Variants in SDK1 observed in about 807,000 individuals in gnomAD.
The protein encoded by SDK1 is sidekick cell adhesion molecule 1.
SDK1 carries 157 observed loss-of-function variants against 245.5 expected under a neutral mutation model. The observed-to-expected ratio is 0.64, with a 90% CI of 0.56 to 0.73. SDK1 has a LOEUF of 0.73. Among genes scored for constraint, SDK1 ranks in the 30% least tolerant of loss-of-function variants. The pLI, the probability that SDK1 is intolerant of heterozygous loss-of-function variation, is 0.00. For missense variants in SDK1, 3,583 were observed against 3,002.3 expected (o/e 1.19, Z -4.52); for synonymous variants, 1,647 against 1,278.5 (o/e 1.29, Z -6.15).
chr7:4,012,835 A>G (rs973192120), intron 16 of SDK1, among the ~76,000 whole-genome samples: 16 of 151,650 alleles, frequency 1.1e-4, no homozygotes, highest in African/African-American at 2.9e-4. Flanking sequence ...CAGCCTCCCA[A>G]TCCTCAGCTG....
chr7:4,037,018 A>C (rs1261468403), intron 17 of SDK1, among the ~76,000 whole-genome samples: 1 of 152,218 alleles, frequency 6.6e-6, no homozygotes, highest in Non-Finnish European at 1.5e-5. Flanking sequence ...CCTCTGCTTT[A>C]ACCAATCTTC....
chr7:3,649,210 G>C (rs1280444525), intron 4 of SDK1, among the ~76,000 whole-genome samples: 1 of 152,186 alleles, frequency 6.6e-6, no homozygotes, highest in East Asian at 1.9e-4. Context: ...TGGGAAGAGA[G>C]TCCTAAGCTG....
chr7:3,643,755 G>A (rs1338747430), intron 4 of SDK1: 1 of 150,420 alleles, frequency 6.6e-6, no homozygotes, highest in Non-Finnish European at 1.5e-5. Flanking sequence ...TAAACCTGGT[G>A]ATTCTCCTCT....
At chr7:3,324,933 T>G (rs1394550678) in intron 1 of SDK1, among the ~76,000 whole-genome samples, 1 of 152,178 alleles carries the variant, frequency 6.6e-6, no homozygotes, top group Non-Finnish European at 1.5e-5. Flanking sequence ...GCTGAACTTG[T>G]CTCTATTTTT....
Position 3,494,024 on chromosome 7 carries a change from C to T in SDK1, c.299-125056C>T, listed in dbSNP as rs539192380. ...TGAAACAGTTTATTCTGTATTATAC[C>T]TAGGTGAGTTTTGAAAAGTCAGATT... is the stretch of plus-strand genomic sequence containing the variant. On this transcript the variant is annotated intron_variant, in intron 1 of 44. Coordinates refer to ENST00000404826, the MANE Select transcript of SDK1 (RefSeq NM_152744.4). Among the ~76,000 whole-genome samples the T allele has an allele frequency of 3.9e-5, 6 of 152,162 alleles. No individual in the cohort carries two copies. In the South Asian group the frequency reaches 1.2e-3, roughly 32 times the overall value.
chr7:3,466,990 A>ACG, intron 1 of SDK1, among the ~76,000 whole-genome samples: 1 of 137,992 alleles, frequency 7.2e-6, no homozygotes, highest in African/African-American at 3.2e-5. Flanking sequence ...ACACACACAC[A>ACG]CACACACACA....
Position 4,245,778 on chromosome 7 carries a change from G to C in SDK1, c.6354G>C (p.Glu2118Asp). 6.2e-7 allele frequency: 1 copy of C among 1,613,994 alleles called. No individual in the cohort carries two copies. Among genetic ancestry groups the C allele is most frequent in the Non-Finnish European group, 8.5e-7 (1 of 1,179,964 alleles). ...TGACCGAGAGCGTGAGCCTCAAGGA[G>C]AAGTCGGCAGATGCATCAGAATCTG... ...AVLTESVSLK[E>D]KSADASESEA... The change falls in exon 44 of 45, where the codon GAG (glutamate) becomes GAC (aspartate). Residue 2118 changes from glutamate to aspartate, a missense_variant. By Grantham distance (45) the Glu-to-Asp change is conservative (BLOSUM62 2). Coordinates refer to ENST00000404826, the MANE Select transcript of SDK1 (RefSeq NM_152744.4).
At chr7:3,790,133 A>T (rs1233024181) in intron 4 of SDK1, among the ~76,000 whole-genome samples, 1 of 152,164 alleles carries the variant, frequency 6.6e-6, no homozygotes, top group East Asian at 1.9e-4. Context: ...TGCAGACTGA[A>T]TGGTGGGGCC....
intron 1 of SDK1, among the ~76,000 whole-genome samples, chr7:3,582,014 G>T (rs1009034200): frequency 2.6e-5 from 4 of 151,936 alleles, no homozygotes; most frequent in African/African-American, 9.7e-5. Context: ...CCTCAGGTAG[G>T]CCTGTCTCAG....
At chr7:3,605,286 A>G (rs1781385456) in intron 1 of SDK1, among the ~76,000 whole-genome samples, 1 of 152,238 alleles carries the variant, frequency 6.6e-6, no homozygotes, top group South Asian at 2.1e-4. Context: ...GGAAGTTTTT[A>G]CTGTATAATT....
At position 4,067,864 on chromosome 7, in the gene SDK1, T is replaced by G; in HGVS notation, c.2938T>G (p.Phe980Val). 1 of 1,613,192 alleles carries G rather than the reference T, an allele frequency of 6.2e-7. No individual in the cohort carries two copies. Among genetic ancestry groups the G allele is most frequent in the African/African-American group, 1.3e-5 (1 of 75,038 alleles). Residue 980 changes from phenylalanine to valine, a missense_variant, in exon 20 of 45, where the codon TTC (phenylalanine) becomes GTC (valine). Coordinates refer to ENST00000404826, the MANE Select transcript of SDK1 (RefSeq NM_152744.4). Reference sequence around the variant, plus strand: ...ACCAGGAGCTGTGGGACATCTGAGTTTCACAGAGATCTTGGACACATCTCT... The same window carrying G: ...ACCAGGAGCTGTGGGACATCTGAGTGTCACAGAGATCTTGGACACATCTCT... The part of the protein sequence containing the change: ...DKPGAVGHLS[F>V]TEILDTSLKV...
Position 4,210,306 on chromosome 7 carries a change from G to A in SDK1, c.5539+144G>A. On this transcript the variant is annotated intron_variant, in intron 38 of 44. Coordinates refer to ENST00000404826, the MANE Select transcript of SDK1 (RefSeq NM_152744.4). ...AGTGGGGGGTTTTGGAATCTGAGCT[G>A]GACGGGGCTGGAGCTGAGTGCGAGG... The A allele has an allele frequency of 4.4e-6, 4 of 910,274 alleles. No homozygotes were observed. The South Asian group carries it at 8.5e-5, about 19-fold the overall frequency. The allele number at this position is 910,274 out of a possible 1,614,324, so 56.4% of individuals were successfully genotyped here. A position where few individuals can be genotyped will look rare whatever the true frequency, so the allele number is the denominator to read the frequency against.
At chr7:4,118,365 C>G (rs1313045489) in intron 25 of SDK1, among the ~76,000 whole-genome samples, 2 of 152,140 alleles carry the variant, frequency 1.3e-5, no homozygotes, top group Non-Finnish European at 2.9e-5. Context: ...CAAATCTAAG[C>G]TGCAATGAGA....
intron 5 of SDK1, among the ~76,000 whole-genome samples, chr7:3,883,693 G>GCTCCCTCC (rs36146912): frequency 0.038 from 5,471 of 144,200 alleles, 347 homozygotes; most frequent in African/African-American, 0.13. Context: ...TCGCTCCCTC[G>GCTCCCTCC]CTCCCTCCCT....
rs541671678 is a variant in SDK1 at position 3,708,783 on chromosome 7, C to G, written c.713+66678C>G. On this transcript the variant is annotated intron_variant, in intron 4 of 44. Transcript: ENST00000404826. ...TTGGGCAGGGGCACATATCCAAACT[C>G]TATTACCTTACATGTCAAGTGAGTC... 2.6e-5 allele frequency among the ~76,000 whole-genome samples: 4 copies of G among 152,364 alleles called. No individual in the cohort carries two copies. The East Asian group carries it at 7.7e-4, about 29-fold the overall frequency.
chr7:3,986,674 G>C (rs1473319107), intron 13 of SDK1, among the ~76,000 whole-genome samples: 3 of 152,096 alleles, frequency 2.0e-5, no homozygotes, highest in African/African-American at 7.2e-5. Context: ...ACCTGGCCAA[G>C]ATGGTGTGAA....
intron 4 of SDK1, among the ~76,000 whole-genome samples, chr7:3,819,751 C>T (rs138219142): frequency 7.8e-4 from 118 of 152,104 alleles, no homozygotes; most frequent in African/African-American, 2.4e-3. Flanking sequence ...AGACCTCAAA[C>T]AGTAATATAT....
Position 3,821,504 on chromosome 7 carries a change from C to T in SDK1, c.768C>T (p.Ala256=), listed in dbSNP as rs59492170. The T allele has an allele frequency of 1.4e-3, 2,296 of 1,613,440 alleles. 27 individuals are homozygous for T. In the African/African-American group the frequency reaches 0.025, roughly 17 times the overall value. The part of the protein sequence containing the change: ...LVILATTTSD[A]GAYYVQAVNE... ...TCCTCGCCACCACAACCAGTGATGC[C>T]GGGGCATACTACGTGCAGGCCGTGA... The change falls in exon 5 of 45, where the codon GCC becomes GCT. Residue 256 remains alanine, a synonymous_variant. Transcript: ENST00000404826.
At chr7:4,035,919 A>G (rs977682270) in intron 17 of SDK1, among the ~76,000 whole-genome samples, 1 of 152,238 alleles carries the variant, frequency 6.6e-6, no homozygotes, top group South Asian at 2.1e-4. Context: ...AATAACTGCA[A>G]TGGACTGAAA....
Sources: allele counts gnomAD v4.1 joint callset (sites outside exome capture counted in the v4.1 genomes callset), GRCh38; gene constraint gnomAD v4.1.1; transcripts MANE v1.5; gene names NCBI Gene and HGNC (gene_info 2026-07-23, HGNC 2026-07-21).